CSTPP1: variants seen among roughly 807,000 people sequenced by gnomAD.
CSTPP1 encodes the protein centriolar satellite-associated tubulin polyglutamylase complex regulator 1, also known as UPF0705 protein C11orf49.
At chr11:47,083,734 G>A in the CSTPP1 span, among the ~76,000 whole-genome samples, 2 of 152,128 alleles carry the variant, frequency 1.3e-5, no homozygotes, top group African/African-American at 4.8e-5. Context: ...AGCCATTTGT[G>A]TATCTTTTCT....
the CSTPP1 span, among the ~76,000 whole-genome samples, chr11:47,065,977 T>TTGTGTGTGTGTG: frequency 0.1 from 15,152 of 145,850 alleles, 1,729 homozygotes; most frequent in African/African-American, 0.28. Context: ...GGTCTAACAG[T>TTGTGTGTGTGTG]TGTGTGTGTG....
At chr11:47,083,158 GT>G in the CSTPP1 span, among the ~76,000 whole-genome samples, 2 of 151,886 alleles carry the variant, frequency 1.3e-5, no homozygotes, top group Non-Finnish European at 2.9e-5. Flanking sequence ...TCCTGCGTTA[GT>G]TTGCTGAGGA....
chr11:47,105,521 A>G, the CSTPP1 span, among the ~76,000 whole-genome samples: 2 of 152,066 alleles, frequency 1.3e-5, no homozygotes, highest in Non-Finnish European at 2.9e-5. Flanking sequence ...ATTTTTTTTT[A>G]ATTAAAAGAA....
the CSTPP1 span, among the ~76,000 whole-genome samples, chr11:46,982,551 TA>T: frequency 5.9e-5 from 9 of 152,246 alleles, no homozygotes; most frequent in East Asian, 1.7e-3. Flanking sequence ...AATTGTGAAA[TA>T]AACAACTAAT....
chr11:47,092,567 G>A, the CSTPP1 span, among the ~76,000 whole-genome samples: 3 of 152,118 alleles, frequency 2.0e-5, no homozygotes, highest in African/African-American at 7.2e-5. Context: ...TAAGTTATGG[G>A]AATCATGACA....
At chr11:47,034,504 C>CT in the CSTPP1 span, among the ~76,000 whole-genome samples, 88 of 144,394 alleles carry the variant, frequency 6.1e-4, no homozygotes, top group Middle Eastern at 3.5e-3. Flanking sequence ...TTAAAAGCTT[C>CT]TTTTTTTTTT....
At chr11:47,012,592 G>A in the CSTPP1 span, among the ~76,000 whole-genome samples, 1 of 152,010 alleles carries the variant, frequency 6.6e-6, no homozygotes, top group African/African-American at 2.4e-5. Context: ...AAAAAGAGAA[G>A]CTTGAACTTT....
the CSTPP1 span, among the ~76,000 whole-genome samples, chr11:47,100,713 C>T: frequency 1.3e-5 from 2 of 152,200 alleles, no homozygotes. Flanking sequence ...ATCGCTTAAA[C>T]CCAGAGGCAG....
the CSTPP1 span, among the ~76,000 whole-genome samples, chr11:47,106,655 G>A: frequency 6.7e-6 from 1 of 149,640 alleles, no homozygotes; most frequent in Non-Finnish European, 1.5e-5. Flanking sequence ...AAAAAAAAAA[G>A]AAAAGAAAAG....
chr11:47,068,191 T>A, the CSTPP1 span, among the ~76,000 whole-genome samples: 1 of 152,190 alleles, frequency 6.6e-6, no homozygotes, highest in Admixed American at 6.6e-5. Context: ...CTGTATGTTA[T>A]CCAATGTAAT....
chr11:47,078,513 G>A, the CSTPP1 span, among the ~76,000 whole-genome samples: 1 of 152,124 alleles, frequency 6.6e-6, no homozygotes, highest in African/African-American at 2.4e-5. Flanking sequence ...TAATGGAGAA[G>A]GTAAGGTCAA....
At chr11:47,158,252 T>A in the CSTPP1 span, among the ~76,000 whole-genome samples, 1 of 152,034 alleles carries the variant, frequency 6.6e-6, no homozygotes, top group African/African-American at 2.4e-5. Flanking sequence ...GACTATTTAC[T>A]CAGTGACGCT....
the CSTPP1 span, among the ~76,000 whole-genome samples, chr11:47,086,108 G>T: frequency 3.3e-5 from 5 of 151,846 alleles, no homozygotes; most frequent in Non-Finnish European, 5.9e-5. Context: ...AAGTTAAGAG[G>T]CCTGGCACAG....
At chr11:47,127,112 G>A in the CSTPP1 span, among the ~76,000 whole-genome samples, 3,320 of 152,258 alleles carry the variant, frequency 0.022, 74 homozygotes, top group South Asian at 0.12. Context: ...ATCATAGGGA[G>A]CCAGTCTGTG....
the CSTPP1 span, among the ~76,000 whole-genome samples, chr11:47,035,566 C>T: frequency 6.6e-6 from 1 of 152,152 alleles, no homozygotes; most frequent in African/African-American, 2.4e-5. Flanking sequence ...ACAGTATGAG[C>T]TACAGTTAAT....
chr11:47,031,275 A>G, the CSTPP1 span, among the ~76,000 whole-genome samples: 1 of 152,262 alleles, frequency 6.6e-6, no homozygotes, highest in African/African-American at 2.4e-5. Context: ...GTTTGTTACT[A>G]GAAGAGAACA....
At chr11:47,114,942 A>G in the CSTPP1 span, among the ~76,000 whole-genome samples, 1 of 152,208 alleles carries the variant, frequency 6.6e-6, no homozygotes, top group South Asian at 2.1e-4. Context: ...GCTTTTGCCC[A>G]TTCAGTGTGA....
chr11:47,124,260 A>G, the CSTPP1 span, among the ~76,000 whole-genome samples: 2 of 150,340 alleles, frequency 1.3e-5, no homozygotes. Flanking sequence ...AGTAGCTGGG[A>G]TTACAGGCAC....
At chr11:47,135,848 C>T in the CSTPP1 span, among the ~76,000 whole-genome samples, 3 of 152,114 alleles carry the variant, frequency 2.0e-5, no homozygotes, top group Non-Finnish European at 2.9e-5. Context: ...GTAAATCATT[C>T]TTCTGTCCTT....
Sources: allele counts gnomAD v4.1 joint callset (sites outside exome capture counted in the v4.1 genomes callset), GRCh38; gene constraint gnomAD v4.1.1; transcripts MANE v1.5; gene names NCBI Gene and HGNC (gene_info 2026-07-23, HGNC 2026-07-21).